The following KIAA0825 variants were observed in gnomAD, a reference collection of about 807,000 sequenced individuals.
The protein encoded by KIAA0825 is KIAA0825, also known as uncharacterized protein KIAA0825.
In KIAA0825, 119 loss-of-function variants were observed where a neutral mutation model predicts 147.6. The observed-to-expected ratio is 0.81, with a 90% CI of 0.69 to 0.94. KIAA0825 has a LOEUF of 0.94. Among genes scored for constraint, KIAA0825 ranks in the 40% least tolerant of loss-of-function variants. KIAA0825 has a pLI of 0.00. For missense variants in KIAA0825, 1,381 were observed against 1,472.7 expected (o/e 0.94, Z 1.02); for synonymous variants, 470 against 518.1 (o/e 0.91, Z 1.26).
intron 20 of KIAA0825, among the ~76,000 whole-genome samples, chr5:94,198,429 TA>T (rs1304595093): frequency 9.2e-5 from 14 of 151,352 alleles, no homozygotes; most frequent in African/African-American, 2.7e-4. Context: ...TTTTTTTTTT[TA>T]AATTTTTGTC....
intron 1 of KIAA0825, among the ~76,000 whole-genome samples, chr5:94,608,105 G>A (rs1368842913): frequency 1.3e-5 from 2 of 151,760 alleles, no homozygotes; most frequent in Admixed American, 6.6e-5. Flanking sequence ...CATAGTCTCA[G>A]GTTCTACGTA....
chr5:94,338,424 T>C (rs1782025087), intron 20 of KIAA0825, among the ~76,000 whole-genome samples: 1 of 152,180 alleles, frequency 6.6e-6, no homozygotes, highest in Non-Finnish European at 1.5e-5. Context: ...TTTCATTTAC[T>C]TTATGTGTGT....
chr5:94,315,925 T>C (rs1779613773), intron 20 of KIAA0825, among the ~76,000 whole-genome samples: 1 of 151,774 alleles, frequency 6.6e-6, no homozygotes, highest in Admixed American at 6.6e-5. Flanking sequence ...ACTTAACTTT[T>C]TGATATTAAC....
At chr5:94,262,092 G>A (rs1776524384) in intron 20 of KIAA0825, among the ~76,000 whole-genome samples, 1 of 152,014 alleles carries the variant, frequency 6.6e-6, no homozygotes, top group Non-Finnish European at 1.5e-5. Flanking sequence ...AAGAGTTAAT[G>A]TTGCTAATCA....
At chr5:94,573,467 TCA>T (rs1780366365) in intron 2 of KIAA0825, among the ~76,000 whole-genome samples, 2 of 152,218 alleles carry the variant, frequency 1.3e-5, no homozygotes, top group South Asian at 4.1e-4. Context: ...AGACAGAGTT[TCA>T]CCATGTTGGC....
chr5:94,222,122 A>C (rs1018555288), intron 20 of KIAA0825, among the ~76,000 whole-genome samples: 2 of 152,156 alleles, frequency 1.3e-5, no homozygotes, highest in African/African-American at 4.8e-5. Flanking sequence ...AAAATCACCG[A>C]TTATAACCAC....
chr5:94,241,868 C>T (rs1160533342), intron 20 of KIAA0825, among the ~76,000 whole-genome samples: 3 of 152,154 alleles, frequency 2.0e-5, no homozygotes, highest in African/African-American at 7.2e-5. Context: ...TCACAATTTA[C>T]TTTTCATTTG....
chr5:94,318,818 T>C (rs557133801), intron 20 of KIAA0825, among the ~76,000 whole-genome samples: 2 of 151,942 alleles, frequency 1.3e-5, no homozygotes, highest in East Asian at 3.9e-4. Flanking sequence ...GTTGAGGAAG[T>C]AGGACAGGAC....
chr5:94,329,735 T>C (rs987510673), intron 20 of KIAA0825, among the ~76,000 whole-genome samples: 3 of 152,126 alleles, frequency 2.0e-5, no homozygotes, highest in African/African-American at 7.2e-5. Context: ...AGTTCCTTAA[T>C]TTTTTCCCTC....
chr5:94,302,384 A>T lies in KIAA0825; in HGVS notation c.3710+81984T>A, dbSNP rs529222835. 2.0e-5 allele frequency among the ~76,000 whole-genome samples: 3 copies of T among 152,096 alleles called. No individual in the cohort carries two copies. In the East Asian group the frequency reaches 5.8e-4, roughly 29 times the overall value. On this transcript the variant is annotated intron_variant, in intron 20 of 20. Transcript: ENST00000682413. ...TGAAGACAAATACTGAGAGGCAAAG[A>T]GTATTATATATGATGACCTGTTCCA... is the stretch of plus-strand genomic sequence containing the variant.
At chr5:94,231,700 T>C (rs1583925184) in intron 20 of KIAA0825, among the ~76,000 whole-genome samples, 1 of 152,158 alleles carries the variant, frequency 6.6e-6, no homozygotes, top group African/African-American at 2.4e-5. Context: ...CGTATCTGGA[T>C]GGATGTTCAA....
chr5:94,162,231 A>C (rs554414515), intron 20 of KIAA0825, among the ~76,000 whole-genome samples: 1 of 152,350 alleles, frequency 6.6e-6, no homozygotes, highest in South Asian at 2.1e-4. Flanking sequence ...GACATCTGGA[A>C]TAGATGGTTA....
intron 20 of KIAA0825, among the ~76,000 whole-genome samples, chr5:94,224,045 ATTTCTTTTTCT>A (rs1773913221): frequency 1.1e-5 from 1 of 94,336 alleles, no homozygotes; most frequent in East Asian, 3.0e-4. Flanking sequence ...AATCAACTCC[ATTTCTTTTTCT>A]TTTCTTTTCT....
intron 2 of KIAA0825, chr5:94,569,473 C>G (rs767640867): frequency 7.3e-6 from 3 of 409,958 alleles, no homozygotes; most frequent in Non-Finnish European, 1.3e-5. Flanking sequence ...TCATTATTCT[C>G]GCACGGACTA....
intron 20 of KIAA0825, among the ~76,000 whole-genome samples, chr5:94,209,729 G>A (rs1772531693): frequency 6.6e-6 from 1 of 152,034 alleles, no homozygotes. Flanking sequence ...TTTTTTGACA[G>A]CATTGCCACA....
At chr5:94,239,717 A>G (rs1775250272) in intron 20 of KIAA0825, among the ~76,000 whole-genome samples, 1 of 152,192 alleles carries the variant, frequency 6.6e-6, no homozygotes. Context: ...GTTTCCTGCA[A>G]CTGCTGAATC....
At chr5:94,315,476 AT>A (rs1779567649) in intron 20 of KIAA0825, among the ~76,000 whole-genome samples, 1 of 151,712 alleles carries the variant, frequency 6.6e-6, no homozygotes, top group South Asian at 2.1e-4. Flanking sequence ...ATCTCAGTGG[AT>A]AAAAAATGCC....
chr5:94,245,224 G>A lies in KIAA0825; in HGVS notation c.3711-91100C>T, dbSNP rs552258033. 1.6e-4 allele frequency among the ~76,000 whole-genome samples: 24 copies of A among 152,244 alleles called. 1 individual carries two copies. The South Asian group carries it at 4.6e-3, about 29-fold the overall frequency. ...TAGATATGTATTTCAAGATAGTGAG[G>A]CAGTGTTTCACAAGACAGCTCATGA... On this transcript the variant is annotated intron_variant, in intron 20 of 20. Coordinates refer to ENST00000682413, the MANE Select transcript of KIAA0825 (RefSeq NM_001145678.3).
chr5:94,420,871 C>A (rs1754096318), intron 14 of KIAA0825, among the ~76,000 whole-genome samples: 1 of 152,094 alleles, frequency 6.6e-6, no homozygotes, highest in Non-Finnish European at 1.5e-5. Context: ...AGGTTTTGGT[C>A]CATCTAGAAA....
Sources: gnomAD v4.1 joint callset for allele counts (sites outside exome capture counted in the v4.1 genomes callset) on GRCh38, gnomAD v4.1.1 for gene constraint, MANE v1.5 for transcripts, NCBI Gene and HGNC (gene_info 2026-07-23, HGNC 2026-07-21) for gene names.